DCLK1: variants seen among roughly 807,000 people sequenced by gnomAD.
The protein encoded by DCLK1 is doublecortin like kinase 1.
In DCLK1, 16 loss-of-function variants were observed where a neutral mutation model predicts 86.2. The ratio of observed to expected loss-of-function variants is 0.19; its 90% CI spans 0.13 to 0.28. DCLK1 has a LOEUF of 0.28. Ranked by LOEUF, DCLK1 falls within the 10% of genes least tolerant of loss-of-function variation. DCLK1 has a pLI of 1.00. For missense variants in DCLK1, 590 were observed against 940.2 expected, an observed-to-expected ratio of 0.63 and a Z score of 4.87; for synonymous variants, 369 against 370.5, an observed-to-expected ratio of 1.00 and a Z score of 0.05.
intron 3 of DCLK1, among the ~76,000 whole-genome samples, chr13:36,028,613 T>C (rs754129170): frequency 8.5e-5 from 13 of 152,186 alleles, no homozygotes; most frequent in Non-Finnish European, 1.5e-4. Context: ...CAAATCTGTC[T>C]TGAATAGGGG....
intron 4 of DCLK1, among the ~76,000 whole-genome samples, chr13:35,917,269 A>G (rs1328495021): frequency 6.6e-6 from 1 of 152,242 alleles, no homozygotes; most frequent in Non-Finnish European, 1.5e-5. Context: ...CTCTTGTTAT[A>G]GGGGCCTCAG....
intron 4 of DCLK1, among the ~76,000 whole-genome samples, chr13:35,945,592 G>C (rs533446500): frequency 6.6e-6 from 1 of 152,156 alleles, no homozygotes; most frequent in Non-Finnish European, 1.5e-5. Flanking sequence ...GAATGCATCT[G>C]GTCTGCCAAA....
intron 15 of DCLK1, among the ~76,000 whole-genome samples, chr13:35,803,736 T>C (rs1000905272): frequency 1.3e-5 from 2 of 152,166 alleles, no homozygotes; most frequent in African/African-American, 4.8e-5. Flanking sequence ...ACAAAACAAA[T>C]CACTCGACTA....
chr13:35,913,327 A>T (rs1049447797), intron 4 of DCLK1, among the ~76,000 whole-genome samples: 1 of 152,192 alleles, frequency 6.6e-6, no homozygotes. Context: ...TTCTTTCACC[A>T]GCACCTACCT....
intron 4 of DCLK1, among the ~76,000 whole-genome samples, chr13:35,939,199 C>A (rs549311292): frequency 6.6e-6 from 1 of 152,264 alleles, no homozygotes; most frequent in East Asian, 1.9e-4. Context: ...GAGAGCAAAG[C>A]ACGTTAGCCA....
At chr13:35,877,450 G>A (rs1276892528) in intron 4 of DCLK1, among the ~76,000 whole-genome samples, 9 of 152,188 alleles carry the variant, frequency 5.9e-5, no homozygotes, top group African/African-American at 2.2e-4. Flanking sequence ...GCATTCAAAG[G>A]GGCCTACTTA....
chr13:35,990,996 C>T (rs1880194197), intron 3 of DCLK1, among the ~76,000 whole-genome samples: 1 of 152,164 alleles, frequency 6.6e-6, no homozygotes, highest in Non-Finnish European at 1.5e-5. Flanking sequence ...GGCAAGAGGA[C>T]ATACCCTCTC....
intron 6 of DCLK1, chr13:35,845,781 A>G: frequency 9.5e-6 from 3 of 314,160 alleles, no homozygotes; most frequent in Non-Finnish European, 1.4e-5. Flanking sequence ...ATTGATGCTA[A>G]TTACAACAGA....
intron 6 of DCLK1, chr13:35,849,084 G>A: frequency 1.0e-6 from 1 of 985,348 alleles, no homozygotes; most frequent in Non-Finnish European, 1.2e-6. Flanking sequence ...CTCTCCAACA[G>A]ACAGCATAAT....
chr13:35,984,720 A>G (rs892904966), intron 3 of DCLK1, among the ~76,000 whole-genome samples: 10 of 151,450 alleles, frequency 6.6e-5, no homozygotes, highest in African/African-American at 2.2e-4. Context: ...TCCCATCTGT[A>G]TTCCCCTTCT....
At position 36,056,420 on chromosome 13, in the gene DCLK1, A is replaced by G. The variant is rs1345406764; in HGVS notation, c.723+55449T>C. Among the ~76,000 whole-genome samples, 247 of 111,876 alleles carry G rather than the reference A, an allele frequency of 2.2e-3. 1 individual carries two copies. The highest frequency in any genetic ancestry group is 7.9e-3 in the African/African-American group (230 of 29,106). 73.4% of individuals were successfully genotyped at this position (111,876 alleles called of 152,430 possible). Reference sequence around the variant, plus strand: ...TCATAGGTGGGAATTGAACAATGAGATCACATGGACACAGGAAGGGGAATA... The same window carrying G: ...TCATAGGTGGGAATTGAACAATGAGGTCACATGGACACAGGAAGGGGAATA... On this transcript the variant is annotated intron_variant, in intron 3 of 16. Transcript: ENST00000360631.
intron 16 of DCLK1, among the ~76,000 whole-genome samples, chr13:35,782,609 C>G (rs1047707724): frequency 1.3e-5 from 2 of 152,092 alleles, no homozygotes; most frequent in East Asian, 3.9e-4. Context: ...TTTGATGTAT[C>G]CCAAATTCTT....
Position 36,111,974 on chromosome 13 carries a change from G to A in DCLK1, c.618C>T (p.Asn206=), listed in dbSNP as rs771427528. The A allele has an allele frequency of 1.4e-5, 23 of 1,614,238 alleles. No homozygotes were observed. Among genetic ancestry groups the A allele is most frequent in the Non-Finnish European group, 1.9e-5 (23 of 1,180,054 alleles). ...GCTCAAAGGAATGAGCCGTTTTCTT[G>A]TTCAGCAGAATCCTGACAGCTTTCC... The part of the protein sequence containing the change: ...KPRKAVRILL[N]KKTAHSFEQV... Residue 206 remains asparagine (N), a synonymous_variant, in exon 3 of 17, where the codon AAC becomes AAT. Transcript: ENST00000360631.
At chr13:35,882,115 G>A (rs1422308718) in intron 4 of DCLK1, among the ~76,000 whole-genome samples, 1 of 152,146 alleles carries the variant, frequency 6.6e-6, no homozygotes, top group Non-Finnish European at 1.5e-5. Context: ...TGGCAGGTCT[G>A]GAGTCTCTCC....
intron 3 of DCLK1, among the ~76,000 whole-genome samples, chr13:36,103,982 C>T (rs970058745): frequency 2.6e-5 from 4 of 152,232 alleles, no homozygotes; most frequent in Non-Finnish European, 5.9e-5. Context: ...TGTTCCCCCA[C>T]AAAATGAAAG....
chr13:36,107,115 AT>A (rs1885423432), intron 3 of DCLK1, among the ~76,000 whole-genome samples: 1 of 142,610 alleles, frequency 7.0e-6, no homozygotes, highest in East Asian at 2.2e-4. Flanking sequence ...ATAACAGGCA[AT>A]GAGGATTCAT....
At chr13:36,082,035 T>C (rs146677375) in intron 3 of DCLK1, among the ~76,000 whole-genome samples, 74 of 152,306 alleles carry the variant, frequency 4.9e-4, no homozygotes, top group African/African-American at 1.7e-3. Flanking sequence ...CCTTGCTATT[T>C]TAGCAATTAT....
intron 7 of DCLK1, among the ~76,000 whole-genome samples, chr13:35,837,191 A>G (rs1869446872): frequency 6.6e-6 from 1 of 152,248 alleles, no homozygotes; most frequent in Non-Finnish European, 1.5e-5. Flanking sequence ...TTGGAGACTC[A>G]TAATCATCAG....
At chr13:36,100,302 C>G (rs1885173124) in intron 3 of DCLK1, among the ~76,000 whole-genome samples, 1 of 151,674 alleles carries the variant, frequency 6.6e-6, no homozygotes, top group Non-Finnish European at 1.5e-5. Flanking sequence ...TTGCTTGGGC[C>G]CAGGAGGTGG....
Sources: gnomAD v4.1 joint callset for allele counts (sites outside exome capture counted in the v4.1 genomes callset) on GRCh38, gnomAD v4.1.1 for gene constraint, MANE v1.5 for transcripts, NCBI Gene and HGNC (gene_info 2026-07-23, HGNC 2026-07-21) for gene names.